C1GALT1: variants seen among roughly 807,000 people sequenced by gnomAD.
The protein encoded by C1GALT1 is core 1 synthase, glycoprotein-N-acetylgalactosamine 3-beta-galactosyltransferase 1.
Under a neutral mutation model 31.0 loss-of-function variants are expected in C1GALT1, and 11 were observed. The observed-to-expected ratio is 0.36, with a 90% CI of 0.22 to 0.59. The LOEUF (loss-of-function observed/expected upper bound fraction) is 0.59, where lower values mean the gene tolerates loss of function less well. Among genes scored for constraint, C1GALT1 ranks in the 20% least tolerant of loss-of-function variants. C1GALT1 has a pLI of 0.79. For missense variants in C1GALT1, 424 were observed against 425.2 expected (o/e 1.00, Z 0.03); for synonymous variants, 175 against 143.6 (o/e 1.22, Z -1.56).
intron 1 of C1GALT1, among the ~76,000 whole-genome samples, chr7:7,198,330 T>C (rs1330028209): frequency 6.6e-6 from 1 of 152,224 alleles, no homozygotes; most frequent in African/African-American, 2.4e-5. Flanking sequence ...TATGATGGAT[T>C]ACGTTTATTG....
chr7:7,243,661 T>C lies in C1GALT1; in HGVS notation c.1026T>C (p.Arg342=), dbSNP rs375911604. The stretch of plus-strand genomic sequence containing the variant: ...GATATCAACCTACCTTACCTGAACG[T>C]ATACTAAAGGAAATTAGTCAAGCAA... ...LYRYQPTLPE[R]ILKEISQANK... Residue 342 remains arginine, a synonymous_variant, in exon 4 of 4, where the codon CGT becomes CGC. Coordinates refer to ENST00000436587, the MANE Select transcript of C1GALT1 (RefSeq NM_020156.5). 6.8e-6 allele frequency: 11 copies of C among 1,608,324 alleles called. No homozygotes were observed. The highest frequency in any genetic ancestry group is 9.3e-6 in the Non-Finnish European group (11 of 1,178,436).
At chr7:7,213,688 A>G (rs1012923921) in intron 1 of C1GALT1, among the ~76,000 whole-genome samples, 3 of 152,186 alleles carry the variant, frequency 2.0e-5, no homozygotes, top group African/African-American at 7.2e-5. Flanking sequence ...TTACCCTTGC[A>G]CTAGTTTATT....
upstream of C1GALT1, among the ~76,000 whole-genome samples, chr7:7,182,258 C>T (rs1780613480): frequency 6.6e-6 from 1 of 152,192 alleles, no homozygotes; most frequent in Non-Finnish European, 1.5e-5. Flanking sequence ...CATCCCCTTT[C>T]TCGCTCCCTA....
At chr7:7,185,993 A>G (rs1003070695) in intron 1 of C1GALT1, among the ~76,000 whole-genome samples, 3 of 152,188 alleles carry the variant, frequency 2.0e-5, no homozygotes, top group Non-Finnish European at 2.9e-5. Context: ...TATAAAGAAA[A>G]GAAATTTATT....
In C1GALT1 at chr7:7,238,472, A is replaced by G; in HGVS notation, c.438A>G (p.Lys146=). The G allele has an allele frequency of 6.2e-7, 1 of 1,613,946 alleles. No individual in the cohort carries two copies. Among genetic ancestry groups the G allele is most frequent in the Non-Finnish European group, 8.5e-7 (1 of 1,179,966 alleles). Residue 146 remains lysine, a synonymous_variant, in exon 3 of 4, where the codon AAA becomes AAG. Transcript: ENST00000436587. The surrounding 1 kb of genome is among the most constrained non-coding windows in gnomAD (Gnocchi z 5.2). The stretch of plus-strand genomic sequence containing the variant: ...AAGGCAGAGATCAACTATACTGGAA[A>G]ACAATTAAAGCTTTTCAGTATGTTC... ...TKEGRDQLYW[K]TIKAFQYVHE...
chr7:7,230,482 T>TG (rs1219475180), intron 1 of C1GALT1, among the ~76,000 whole-genome samples: 1 of 152,060 alleles, frequency 6.6e-6, no homozygotes, highest in African/African-American at 2.4e-5. Flanking sequence ...GAGTTTATTT[T>TG]TCTCGAGTCT....
intron 2 of C1GALT1, among the ~76,000 whole-genome samples, chr7:7,168,032 T>C (rs757008281): frequency 6.6e-6 from 1 of 152,204 alleles, no homozygotes; most frequent in African/African-American, 2.4e-5. Context: ...GTTCTCCACA[T>C]TTCACAGGGG....
rs1448356516 is a variant in C1GALT1, at chr7:7,245,110, C to T, written c.*1383C>T. On this transcript the variant is annotated 3_prime_UTR_variant, in exon 4 of 4. Transcript: ENST00000436587. ...CTGAGTGTCATAGCAGAATATTTTA[C>T]AGACTTTCTATGAGATTATTTTTAT... is the stretch of plus-strand genomic sequence containing the variant. 6.6e-6 allele frequency: 1 copy of T among 152,190 alleles called. No individual in the cohort carries two copies. The highest frequency in any genetic ancestry group is 1.5e-5 in the Non-Finnish European group (1 of 68,026). 9.4% of individuals were successfully genotyped at this position (152,190 alleles called of 1,614,324 possible). A position where few individuals can be genotyped will look rare whatever the true frequency, so the allele number is the denominator to read the frequency against.
At chr7:7,221,503 G>A (rs1340046636) in intron 1 of C1GALT1, among the ~76,000 whole-genome samples, 5 of 152,070 alleles carry the variant, frequency 3.3e-5, no homozygotes, top group Non-Finnish European at 2.9e-5. Flanking sequence ...TCTTATCAGA[G>A]CCATTCCTTA....
chr7:7,208,094 T>A (rs1185061464), intron 1 of C1GALT1, among the ~76,000 whole-genome samples: 2 of 152,226 alleles, frequency 1.3e-5, no homozygotes, highest in Non-Finnish European at 2.9e-5. Context: ...GTCCATCATA[T>A]GCACGTTGTA....
chr7:7,227,739 A>T (rs1336577016), intron 1 of C1GALT1, among the ~76,000 whole-genome samples: 1 of 142,430 alleles, frequency 7.0e-6, no homozygotes. Flanking sequence ...AAAAAAAGGG[A>T]AGAGGAACAA....
chr7:7,182,641 G>T lies in C1GALT1; in HGVS notation c.-197G>T, dbSNP rs1407551275. 1 of 257,924 alleles carries T rather than the reference G, an allele frequency of 3.9e-6. No homozygotes were observed. Among genetic ancestry groups the T allele is most frequent in the Non-Finnish European group, 6.1e-6 (1 of 164,826 alleles). 16.0% of individuals were successfully genotyped at this position (257,924 alleles called of 1,614,324 possible). Reference sequence around the variant, plus strand: ...GCGGGCGGGAGCGCGCGCTGGGCCCGCCTTGGCCGCCGCCGCTGTGCTGCC... The same window carrying T: ...GCGGGCGGGAGCGCGCGCTGGGCCCTCCTTGGCCGCCGCCGCTGTGCTGCC... On this transcript the variant is annotated 5_prime_UTR_variant, in exon 1 of 4. Transcript: ENST00000436587.
rs567190060 is a variant in C1GALT1, at chr7:7,228,915, A to C, written c.-17-5388A>C. The stretch of plus-strand genomic sequence containing the variant: ...CATAAGTACTTCAGTAGCTTTCCAC[A>C]AACAGTAACTGTTTTTGTGTTATAG... On this transcript the variant is annotated intron_variant, in intron 1 of 3. Coordinates refer to ENST00000436587, the MANE Select transcript of C1GALT1 (RefSeq NM_020156.5). Among the ~76,000 whole-genome samples the C allele has an allele frequency of 7.2e-5, 11 of 152,372 alleles. No individual in the cohort carries two copies. The South Asian group carries it at 2.3e-3, about 32-fold the overall frequency.
rs573716966 is a variant in C1GALT1 at position 7,248,415 on chromosome 7, G to A, written c.*4688G>A. 2 of 152,084 alleles carry A rather than the reference G, an allele frequency of 1.3e-5. No homozygotes were observed. The highest frequency in any genetic ancestry group is 2.9e-5 in the Non-Finnish European group (2 of 67,862). 9.4% of individuals were successfully genotyped at this position (152,084 alleles called of 1,614,324 possible). A position where few individuals can be genotyped will look rare whatever the true frequency, so the allele number is the denominator to read the frequency against. On this transcript the variant is annotated 3_prime_UTR_variant, in exon 4 of 4. Transcript: ENST00000436587. The stretch of plus-strand genomic sequence containing the variant: ...GCTAAGCAGTGTGTTGTACTACATA[G>A]TGAATGTTCGTGTTTTGGAATTTAA...
intron 1 of C1GALT1, among the ~76,000 whole-genome samples, chr7:7,224,621 G>C (rs922172973): frequency 6.6e-6 from 1 of 152,038 alleles, no homozygotes; most frequent in Non-Finnish European, 1.5e-5. Flanking sequence ...AAATTTATAC[G>C]TGTAGAGTTG....
chr7:7,218,898 A>G (rs1383331994), intron 1 of C1GALT1, among the ~76,000 whole-genome samples: 7 of 151,340 alleles, frequency 4.6e-5, no homozygotes, highest in Admixed American at 2.6e-4. Flanking sequence ...CGGTGGTGCA[A>G]TCTCGGCTCA....
chr7:7,174,472 G>A (rs554985211), intron 2 of C1GALT1, among the ~76,000 whole-genome samples: 1 of 152,102 alleles, frequency 6.6e-6, no homozygotes, highest in Non-Finnish European at 1.5e-5. Flanking sequence ...AACCAGGTGT[G>A]GTGGCCCATG....
chr7:7,197,803 A>T (rs1201504976), intron 1 of C1GALT1, among the ~76,000 whole-genome samples: 1 of 152,206 alleles, frequency 6.6e-6, no homozygotes, highest in East Asian at 1.9e-4. Flanking sequence ...TCTTTGAAGC[A>T]GTCGTGAATG....
At chr7:7,229,549 G>A (rs1386505873) in intron 1 of C1GALT1, among the ~76,000 whole-genome samples, 2 of 151,900 alleles carry the variant, frequency 1.3e-5, no homozygotes, top group Admixed American at 6.6e-5. Flanking sequence ...GTATAATATC[G>A]AACAGATACT....
Sources: gnomAD v4.1 joint callset for allele counts (sites outside exome capture counted in the v4.1 genomes callset) on GRCh38, gnomAD v4.1.1 for gene constraint, Gnocchi (gnomAD v3.1) non-coding constraint, MANE v1.5 for transcripts, NCBI Gene and HGNC (gene_info 2026-07-23, HGNC 2026-07-21) for gene names.